Variants in ECD observed in about 807,000 individuals in gnomAD.
ECD encodes protein ecdysoneless homolog.
In ECD, 59 loss-of-function variants were observed where a neutral mutation model predicts 77.2. That is an observed-to-expected ratio of 0.76 (90% CI 0.62 to 0.95). The LOEUF is 0.95. Among genes scored for constraint, ECD ranks in the 40% least tolerant of loss-of-function variants. ECD has a pLI of 0.00. For missense variants in ECD, 704 were observed against 763.4 expected, an observed-to-expected ratio of 0.92 and a Z score of 0.92; for synonymous variants, 233 against 267.4, an observed-to-expected ratio of 0.87 and a Z score of 1.26.
chr10:73,147,813 A>G (rs1843148535), intron 8 of ECD, among the ~76,000 whole-genome samples: 1 of 152,148 alleles, frequency 6.6e-6, no homozygotes, highest in Non-Finnish European at 1.5e-5. Flanking sequence ...CATACTCTCG[A>G]CAGCACAGAA....
rs566342109 is a variant in ECD at position 73,134,383 on chromosome 10, G to A, written c.*200C>T. ...TAGGGGCTAGATTCTACCCTGCCGA[G>A]TTCAAAACCTGTGTATAACCCACAG... On this transcript the variant is annotated 3_prime_UTR_variant, in exon 14 of 14. Transcript: ENST00000372979. 8 of 575,730 alleles carry A rather than the reference G, an allele frequency of 1.4e-5. No individual in the cohort carries two copies. The highest frequency in any genetic ancestry group is 3.0e-5 in the Admixed American group (1 of 33,062). 35.7% of individuals were successfully genotyped at this position (575,730 alleles called of 1,614,324 possible).
At chr10:73,149,337 A>ATGGT (rs1843170990) in intron 7 of ECD, among the ~76,000 whole-genome samples, 1 of 145,044 alleles carries the variant, frequency 6.9e-6, no homozygotes, top group Non-Finnish European at 1.5e-5. Context: ...GGTTTGACTT[A>ATGGT]ACATTTTTTG....
intron 6 of ECD, 78 bp downstream of exon 6, chr10:73,154,178 A>G: frequency 7.1e-7 from 1 of 1,404,152 alleles, no homozygotes; most frequent in South Asian, 1.5e-5. Context: ...GCACTGAGAA[A>G]TGTAAAAAGA....
chr10:73,165,039 G>A (rs913292865), intron 1 of ECD, among the ~76,000 whole-genome samples: 1 of 152,110 alleles, frequency 6.6e-6, no homozygotes, highest in Non-Finnish European at 1.5e-5. Context: ...CCCCAGTTCT[G>A]CCACTAATTA....
intron 9 of ECD, among the ~76,000 whole-genome samples, chr10:73,141,958 T>C (rs1316202010): frequency 1.3e-5 from 2 of 152,072 alleles, no homozygotes; most frequent in African/African-American, 4.8e-5. Flanking sequence ...GCATAGTTTC[T>C]TTTTTTTCTT....
intron 11 of ECD, 99 bp downstream of exon 11, chr10:73,139,210 T>C: frequency 8.5e-7 from 1 of 1,179,228 alleles, no homozygotes; most frequent in Non-Finnish European, 1.2e-6. Context: ...GTACAACTCA[T>C]TTACTCAAAA....
intron 2 of ECD, among the ~76,000 whole-genome samples, 169 bp downstream of exon 2, chr10:73,163,564 A>T (rs75250682): frequency 7.9e-4 from 120 of 152,010 alleles, no homozygotes; most frequent in African/African-American, 2.0e-3. Flanking sequence ...GATTTTTTTT[A>T]AAAAAAAGCT....
chr10:73,149,872 G>A (rs527679649), intron 7 of ECD, among the ~76,000 whole-genome samples: 17 of 152,174 alleles, frequency 1.1e-4, no homozygotes, highest in Non-Finnish European at 2.2e-4. Context: ...TTATCAAGCC[G>A]TTTGATACTT....
At chr10:73,144,490 A>AAAG (rs1554849682) in intron 9 of ECD, among the ~76,000 whole-genome samples, 2 of 152,026 alleles carry the variant, frequency 1.3e-5, no homozygotes, top group Admixed American at 6.6e-5. Context: ...ACTCTATCTC[A>AAAG]AATAATAATA....
chr10:73,161,307 C>T (rs1470195364), intron 2 of ECD, among the ~76,000 whole-genome samples: 1 of 151,350 alleles, frequency 6.6e-6, no homozygotes, highest in Non-Finnish European at 1.5e-5. Context: ...GATTGACAAA[C>T]TATTAACTTG....
At chr10:73,161,054 G>A (rs1285131148) in intron 2 of ECD, among the ~76,000 whole-genome samples, 1 of 151,752 alleles carries the variant, frequency 6.6e-6, no homozygotes, top group Non-Finnish European at 1.5e-5. Flanking sequence ...AATATCTTGG[G>A]ACAAATGAAA....
intron 9 of ECD, among the ~76,000 whole-genome samples, chr10:73,145,328 G>C (rs899850360): frequency 6.6e-6 from 1 of 151,870 alleles, no homozygotes; most frequent in African/African-American, 2.4e-5. Context: ...GTGACTAAGC[G>C]AGTCTCTGTC....
At chr10:73,154,474 C>G in intron 5 of ECD, 26 bp from the exon 6 acceptor site, 5 of 1,576,908 alleles carry the variant, frequency 3.2e-6, no homozygotes, top group Non-Finnish European at 4.3e-6. Context: ...TAATTACTTT[C>G]ATTTTACAGT....
chr10:73,148,419 T>G lies in ECD; in HGVS notation c.913-15A>C. On this transcript the variant is annotated splice_polypyrimidine_tract_variant and intron_variant, in intron 7 of 13. Coordinates refer to ENST00000372979, the MANE Select transcript of ECD (RefSeq NM_007265.3). The stretch of plus-strand genomic sequence containing the variant: ...AATCCATGAGCCTAGATGAGATAGG[T>G]AGAATTTTTGTTACTAAGTTCCTTT... 6 of 1,603,650 alleles carry G rather than the reference T, an allele frequency of 3.7e-6. No individual in the cohort carries two copies. Among genetic ancestry groups the G allele is most frequent in the Non-Finnish European group, 5.1e-6 (6 of 1,175,702 alleles).
chr10:73,145,820 T>C (rs1843119591), intron 9 of ECD, among the ~76,000 whole-genome samples: 1 of 152,074 alleles, frequency 6.6e-6, no homozygotes, highest in Non-Finnish European at 1.5e-5. Flanking sequence ...AATTTTTGTA[T>C]TTTTAGTAGA....
chr10:73,161,471 T>C (rs1195967930), intron 2 of ECD, among the ~76,000 whole-genome samples: 1 of 151,954 alleles, frequency 6.6e-6, no homozygotes, highest in African/African-American at 2.4e-5. Context: ...ATTGACAAAT[T>C]CCTAGAAACA....
rs1021670564 is a variant in ECD, at chr10:73,148,175, T to C, written c.1041+101A>G. On this transcript the variant is annotated intron_variant, in intron 8 of 13. Transcript: ENST00000372979. The stretch of plus-strand genomic sequence containing the variant: ...AGGTCTCCTTTAAGTCTAGCTTCCA[T>C]AATTATGTCATACATTTAAATATGG... 13 of 1,429,634 alleles carry C rather than the reference T, an allele frequency of 9.1e-6. 1 individual carries two copies. Among genetic ancestry groups the C allele is most frequent in the Non-Finnish European group, 1.0e-5 (11 of 1,070,518 alleles). The allele number at this position is 1,429,634 out of a possible 1,614,324, so 88.6% of individuals were successfully genotyped here. A position where few individuals can be genotyped will look rare whatever the true frequency, so the allele number is the denominator to read the frequency against.
rs372557341 is a variant in ECD at position 73,152,908 on chromosome 10, C to T, written c.784-487G>A. Among the ~76,000 whole-genome samples, 54 of 113,996 alleles carry T rather than the reference C, an allele frequency of 4.7e-4. 1 individual carries two copies. The highest frequency in any genetic ancestry group is 2.4e-3 in the African/African-American group (50 of 20,520). 74.8% of individuals were successfully genotyped at this position (113,996 alleles called of 152,430 possible). A position where few individuals can be genotyped will look rare whatever the true frequency, so the allele number is the denominator to read the frequency against. ...CCGGCCTGGGCAACAGAGCAAGACA[C>T]TGTTGCAAAAAAAATTTTACCCTAC... On this transcript the variant is annotated intron_variant, in intron 6 of 13. Transcript: ENST00000372979.
intron 9 of ECD, among the ~76,000 whole-genome samples, chr10:73,141,005 T>G (rs1341367785): frequency 6.6e-6 from 1 of 152,058 alleles, no homozygotes; most frequent in Non-Finnish European, 1.5e-5. Context: ...ATCTAGCATG[T>G]ATTAAATGCT....
Sources: gnomAD v4.1 joint callset for allele counts (sites outside exome capture counted in the v4.1 genomes callset) on GRCh38, gnomAD v4.1.1 for gene constraint, MANE v1.5 for transcripts, NCBI Gene and HGNC (gene_info 2026-07-23, HGNC 2026-07-21) for gene names.